The following TMEM178A variants were observed in gnomAD, a reference collection of about 807,000 sequenced individuals.
TMEM178A encodes the protein transmembrane protein 178A.
TMEM178A carries 12 observed loss-of-function variants against 29.1 expected under a neutral mutation model. The ratio of observed to expected loss-of-function variants is 0.41; its 90% CI spans 0.26 to 0.67. The LOEUF (loss-of-function observed/expected upper bound fraction) is 0.67, where lower values mean the gene tolerates loss of function less well. Ranked by LOEUF, TMEM178A falls within the 30% of genes least tolerant of loss-of-function variation. The pLI, the probability that TMEM178A is intolerant of heterozygous loss-of-function variation, is 0.29. For synonymous variants in TMEM178A, 210 were observed against 187.2 expected, an observed-to-expected ratio of 1.12 and a Z score of -0.99; for missense variants, 366 against 419.1, an observed-to-expected ratio of 0.87 and a Z score of 1.11.
At chr2:39,684,186 G>A (rs1382991499) in intron 1 of TMEM178A, among the ~76,000 whole-genome samples, 1 of 152,114 alleles carries the variant, frequency 6.6e-6, no homozygotes, top group African/African-American at 2.4e-5. Flanking sequence ...TGTGGTTTAA[G>A]ATTTAGGGTT....
At chr2:39,669,823 A>G (rs1670335715) in intron 1 of TMEM178A, among the ~76,000 whole-genome samples, 1 of 152,220 alleles carries the variant, frequency 6.6e-6, no homozygotes, top group Non-Finnish European at 1.5e-5. Context: ...ATGATAACTT[A>G]TCAAATGCTT....
At chr2:39,676,450 G>A (rs1019744334) in intron 1 of TMEM178A, among the ~76,000 whole-genome samples, 2 of 152,224 alleles carry the variant, frequency 1.3e-5, no homozygotes, top group Non-Finnish European at 2.9e-5. Flanking sequence ...GAAGAAGCCA[G>A]TCCCCATTTT....
At chr2:39,721,744 G>A (rs532903955), downstream of TMEM178A, among the ~76,000 whole-genome samples, 4 of 152,168 alleles carry the variant, frequency 2.6e-5, no homozygotes, top group East Asian at 1.9e-4. Flanking sequence ...CTGTCATTCC[G>A]GTGTTTTGGA....
downstream of TMEM178A, among the ~76,000 whole-genome samples, chr2:39,718,405 A>G (rs1672629251): frequency 6.6e-6 from 1 of 152,152 alleles, no homozygotes; most frequent in Non-Finnish European, 1.5e-5. Context: ...AGACCAATTA[A>G]CTCAGAATAT....
the TMEM178A span, among the ~76,000 whole-genome samples, chr2:39,730,602 A>G: frequency 6.6e-6 from 1 of 152,174 alleles, no homozygotes. Context: ...GGCTGGTGGC[A>G]GTATTGGTGG....
At chr2:39,728,238 T>C in the TMEM178A span, among the ~76,000 whole-genome samples, 2 of 152,336 alleles carry the variant, frequency 1.3e-5, no homozygotes, top group Admixed American at 6.5e-5. Flanking sequence ...CCTGACTTTT[T>C]AATGATTGCC....
At chr2:39,710,957 CAT>C (rs1163334840) in intron 3 of TMEM178A, among the ~76,000 whole-genome samples, 1 of 152,230 alleles carries the variant, frequency 6.6e-6, no homozygotes, top group Non-Finnish European at 1.5e-5. Flanking sequence ...TTGATTACCA[CAT>C]GTTACACAGC....
At chr2:39,675,516 C>T (rs770723771) in intron 1 of TMEM178A, among the ~76,000 whole-genome samples, 6 of 151,850 alleles carry the variant, frequency 4.0e-5, no homozygotes, top group Middle Eastern at 3.2e-3. Context: ...ACTTAACCAC[C>T]GATACAGATG....
At chr2:39,723,501 T>G in the TMEM178A span, among the ~76,000 whole-genome samples, 1 of 152,230 alleles carries the variant, frequency 6.6e-6, no homozygotes, top group Admixed American at 6.5e-5. Flanking sequence ...CTTTTAGGTC[T>G]CCTTCATTCT....
At chr2:39,668,083 C>T (rs1403523850) in intron 1 of TMEM178A, among the ~76,000 whole-genome samples, 1 of 152,206 alleles carries the variant, frequency 6.6e-6, no homozygotes, top group East Asian at 1.9e-4. Flanking sequence ...GTCAAACCTA[C>T]AGTAGAAGAG....
At chr2:39,732,906 C>T in the TMEM178A span, among the ~76,000 whole-genome samples, 8 of 152,326 alleles carry the variant, frequency 5.3e-5, no homozygotes, top group African/African-American at 1.7e-4. Flanking sequence ...CATCAACATC[C>T]GTGCCTTTCT....
At chr2:39,699,595 T>C (rs949323714) in intron 1 of TMEM178A, among the ~76,000 whole-genome samples, 1 of 152,014 alleles carries the variant, frequency 6.6e-6, no homozygotes, top group Non-Finnish European at 1.5e-5. Flanking sequence ...TAGCTAGGAC[T>C]ACAGGTGCGT....
In TMEM178A at chr2:39,709,283, C is replaced by T. The variant is rs551750539; in HGVS notation, c.652+2097C>T. Among the ~76,000 whole-genome samples, 28 of 152,336 alleles carry T rather than the reference C, an allele frequency of 1.8e-4. No homozygotes were observed. In the South Asian group the frequency reaches 4.4e-3, roughly 24 times the overall value. ...ACTCCCACTCACCCCTATCCCACTC[C>T]ACGAAATGGTGCTGCAATTGGCAGT... is the stretch of plus-strand genomic sequence containing the variant. On this transcript the variant is annotated intron_variant, in intron 3 of 3. Coordinates refer to ENST00000281961, the MANE Select transcript of TMEM178A (RefSeq NM_152390.3).
chr2:39,717,441 C>A lies in TMEM178A; in HGVS notation c.*190C>A, dbSNP rs1672595167. The stretch of plus-strand genomic sequence containing the variant: ...GACAAGACTACTGTGGATTCAAGTG[C>A]TTTAATGACTATTTATGCGTTGACT... On this transcript the variant is annotated 3_prime_UTR_variant, in exon 4 of 4. Coordinates refer to ENST00000281961, the MANE Select transcript of TMEM178A (RefSeq NM_152390.3). 1 of 712,044 alleles carries A rather than the reference C, an allele frequency of 1.4e-6. No homozygotes were observed. The highest frequency in any genetic ancestry group is 2.2e-6 in the Non-Finnish European group (1 of 462,584). The allele number at this position is 712,044 out of a possible 1,614,324, so 44.1% of individuals were successfully genotyped here.
intron 2 of TMEM178A, among the ~76,000 whole-genome samples, chr2:39,705,205 G>T (rs1006891988): frequency 1.3e-5 from 2 of 152,212 alleles, no homozygotes; most frequent in African/African-American, 4.8e-5. Flanking sequence ...AGTATTTGAA[G>T]ATTCTTCTTT....
chr2:39,714,664 A>C (rs1020221867), intron 3 of TMEM178A, among the ~76,000 whole-genome samples: 6 of 152,198 alleles, frequency 3.9e-5, no homozygotes, highest in Admixed American at 3.3e-4. Flanking sequence ...AGCAGAGAGA[A>C]ATCATTCTGG....
At chr2:39,701,729 C>G (rs1025930670) in intron 1 of TMEM178A, among the ~76,000 whole-genome samples, 1 of 152,034 alleles carries the variant, frequency 6.6e-6, no homozygotes, top group African/African-American at 2.4e-5. Context: ...TTAAATCATC[C>G]TTTGTTCTTT....
chr2:39,674,520 G>A (rs1670533182), intron 1 of TMEM178A, among the ~76,000 whole-genome samples: 2 of 152,206 alleles, frequency 1.3e-5, no homozygotes, highest in South Asian at 4.1e-4. Flanking sequence ...GGGAGGAAGA[G>A]CGGGAGTGGG....
chr2:39,694,589 A>C (rs73927043), intron 1 of TMEM178A, among the ~76,000 whole-genome samples: 1 of 152,182 alleles, frequency 6.6e-6, no homozygotes, highest in African/African-American at 2.4e-5. Flanking sequence ...TCCCCTCTCC[A>C]GGATGGAAGC....
Sources: gnomAD v4.1 joint callset for allele counts (sites outside exome capture counted in the v4.1 genomes callset) on GRCh38, gnomAD v4.1.1 for gene constraint, MANE v1.5 for transcripts, NCBI Gene and HGNC (gene_info 2026-07-23, HGNC 2026-07-21) for gene names.